The following ARHGAP39 variants were observed in gnomAD, a reference collection of about 807,000 sequenced individuals.
ARHGAP39 encodes Rho GTPase activating protein 39.
ARHGAP39 carries 44 observed loss-of-function variants against 106.9 expected under a neutral mutation model. The ratio of observed to expected loss-of-function variants is 0.41; its 90% CI spans 0.32 to 0.53. ARHGAP39 has a LOEUF of 0.53. Among genes scored for constraint, ARHGAP39 ranks in the 20% least tolerant of loss-of-function variants. The pLI, the probability that ARHGAP39 is intolerant of heterozygous loss-of-function variation, is 0.21. For synonymous variants in ARHGAP39, 768 were observed against 693.2 expected (o/e 1.11, Z -1.69); for missense variants, 1,496 against 1,577.3 (o/e 0.95, Z 0.87).
chr8:144,576,122 G>A (rs1035262442), intron 3 of ARHGAP39, among the ~76,000 whole-genome samples: 11 of 152,034 alleles, frequency 7.2e-5, no homozygotes, highest in African/African-American at 2.4e-4. Flanking sequence ...ATGAGGTTAA[G>A]AGATCGAGAC....
At chr8:144,573,388 T>C (rs554075525) in intron 3 of ARHGAP39, among the ~76,000 whole-genome samples, 1 of 141,204 alleles carries the variant, frequency 7.1e-6, no homozygotes, top group South Asian at 2.2e-4. Flanking sequence ...TTCTCATTCA[T>C]AGGTGGGAAA....
intron 1 of ARHGAP39, among the ~76,000 whole-genome samples, chr8:144,606,964 T>C (rs1586609777): frequency 2.0e-5 from 3 of 147,694 alleles, no homozygotes; most frequent in Admixed American, 1.3e-4. Flanking sequence ...TATAGTAAAA[T>C]TAAGAACATC....
chr8:144,537,250 C>T (rs893217026), intron 7 of ARHGAP39, among the ~76,000 whole-genome samples: 2 of 152,174 alleles, frequency 1.3e-5, no homozygotes, highest in African/African-American at 4.8e-5. Flanking sequence ...TAGGGGCCCA[C>T]CATCAAAGCA....
At chr8:144,532,234 G>A (rs952752701) in intron 10 of ARHGAP39, 71 bp downstream of exon 10, 27 of 1,390,572 alleles carry the variant, frequency 1.9e-5, no homozygotes, top group Admixed American at 5.3e-5. Context: ...CCCCAGAGGC[G>A]GAGACAGGGG....
rs1821486260 is a variant in ARHGAP39 at position 144,647,960 on chromosome 8, C to A, written c.-82+37726G>T. 6.6e-6 allele frequency among the ~76,000 whole-genome samples: 1 copy of A among 152,214 alleles called. No homozygotes were observed. Among genetic ancestry groups the A allele is most frequent in the Non-Finnish European group, 1.5e-5 (1 of 68,036 alleles). ...TGAAAACATGTATAAATTCCTGGTA[C>A]AATTTCTACAAAATGGTGGAGAGTC... On this transcript the variant is annotated intron_variant, in intron 1 of 11. Coordinates refer to ENST00000377307, the MANE Select transcript of ARHGAP39 (RefSeq NM_025251.3). The surrounding 1 kb of genome is among the most constrained non-coding windows in gnomAD (Gnocchi z 4.8).
intron 1 of ARHGAP39, among the ~76,000 whole-genome samples, chr8:144,661,878 T>C (rs987789968): frequency 6.6e-6 from 1 of 151,088 alleles, no homozygotes; most frequent in Non-Finnish European, 1.5e-5. Flanking sequence ...CTCCCCACTA[T>C]TCACCTTGGA....
intron 1 of ARHGAP39, among the ~76,000 whole-genome samples, chr8:144,607,622 G>A (rs1342262000): frequency 6.6e-6 from 1 of 152,082 alleles, no homozygotes; most frequent in Non-Finnish European, 1.5e-5. Context: ...TAATTCAAGG[G>A]GAAATAAAAA....
At chr8:144,534,764 G>C (rs1274830155) in intron 7 of ARHGAP39, among the ~76,000 whole-genome samples, 3 of 152,208 alleles carry the variant, frequency 2.0e-5, no homozygotes, top group Non-Finnish European at 4.4e-5. Flanking sequence ...AGCAATGAGA[G>C]GGCCCAGTCT....
chr8:144,619,875 CGT>C (rs1369450322), intron 1 of ARHGAP39, among the ~76,000 whole-genome samples: 2 of 126,608 alleles, frequency 1.6e-5, no homozygotes, highest in Admixed American at 8.1e-5. Context: ...AGCGTGAGCC[CGT>C]GTGAGTGAGC....
intron 6 of ARHGAP39, among the ~76,000 whole-genome samples, chr8:144,539,287 A>C (rs1035998195): frequency 1.8e-4 from 28 of 152,252 alleles, no homozygotes; most frequent in Middle Eastern, 3.4e-3. Flanking sequence ...TACAGAGCTA[A>C]ACATGGCCTC....
At chr8:144,674,383 C>T (rs771719062) in intron 1 of ARHGAP39, among the ~76,000 whole-genome samples, 10 of 152,276 alleles carry the variant, frequency 6.6e-5, no homozygotes, top group African/African-American at 9.6e-5. Context: ...AGAGGAGACT[C>T]GGACTGGTTA....
In ARHGAP39 at chr8:144,580,969, A is replaced by C. The variant is rs759404928; in HGVS notation, c.389T>G (p.Val130Gly). Residue 130 changes from valine to glycine, a missense_variant, in exon 3 of 12, where the codon GTC (valine) becomes GGC (glycine). This residue lies in a region of ARHGAP39 where 905 missense variants were observed against 816.4 expected (regional missense o/e 1.11). Coordinates refer to ENST00000377307, the MANE Select transcript of ARHGAP39 (RefSeq NM_025251.3). ...AESSPGRGSSVSREGSTSSSL... is the reference protein window; with the variant it reads ...AESSPGRGSSGSREGSTSSSL... ...GGAGCTGGTGCTGCCCTCACGGCTG[A>C]CGCTGCTGCCGCGCCCGGGGCTGCT... 235 of 1,601,264 alleles carry C rather than the reference A, an allele frequency of 1.5e-4. No individual in the cohort carries two copies. The highest frequency in any genetic ancestry group is 1.9e-4 in the Non-Finnish European group (219 of 1,175,532).
intron 6 of ARHGAP39, among the ~76,000 whole-genome samples, chr8:144,544,667 C>T (rs1490300622): frequency 1.3e-5 from 2 of 152,246 alleles, no homozygotes; most frequent in African/African-American, 4.8e-5. Context: ...ACTCTGGCCT[C>T]CCACGCTGCC....
At position 144,547,774 on chromosome 8, in the gene ARHGAP39, C is replaced by T. The variant is rs1265422797; in HGVS notation, c.1312G>A (p.Asp438Asn). The T allele has an allele frequency of 6.3e-7, 1 of 1,597,920 alleles. No homozygotes were observed. Among genetic ancestry groups the T allele is most frequent in the South Asian group, 1.1e-5 (1 of 89,762 alleles). Residue 438 changes from aspartate to asparagine, a missense_variant, in exon 5 of 12, where the codon GAC becomes AAC. Asp to Asn is a conservative substitution (Grantham distance 23). Around this residue, in one of 4 missense-constraint regions of ARHGAP39, gnomAD observed 905 missense variants for 816.4 expected, o/e 1.11. Coordinates refer to ENST00000377307, the MANE Select transcript of ARHGAP39 (RefSeq NM_025251.3). The surrounding 1 kb of genome is among the most constrained non-coding windows in gnomAD (Gnocchi z 5.2). The stretch of plus-strand genomic sequence containing the variant: ...CCGGACTTGACGCCCAGGCGCTGGT[C>T]CCTCAGCAGGCAGGGGCTGGGCTGC... ...SLQPSPCLLRDQRLGVKSGDY... is the reference protein window; with the variant it reads ...SLQPSPCLLRNQRLGVKSGDY...
In ARHGAP39 at chr8:144,684,003, G is replaced by C. The variant is rs1769809124; in HGVS notation, c.-82+1683C>G. On this transcript the variant is annotated intron_variant, in intron 1 of 11. Transcript: ENST00000377307. The surrounding 1 kb of genome is among the most constrained non-coding windows in gnomAD (Gnocchi z 4.4). ...CAACCCTATGAGGCCAATATTATTA[G>C]TGTTCCCATTTTACAGATGAGAAGC... Among the ~76,000 whole-genome samples the C allele has an allele frequency of 6.6e-6, 1 of 152,142 alleles. No individual in the cohort carries two copies. Among genetic ancestry groups the C allele is most frequent in the African/African-American group, 2.4e-5 (1 of 41,418 alleles).
Position 144,586,664 on chromosome 8 carries a change from CA to C in ARHGAP39, c.81-5388del, listed in dbSNP as rs1819196193. Among the ~76,000 whole-genome samples, 2 of 152,346 alleles carry C rather than the reference CA, an allele frequency of 1.3e-5. No homozygotes were observed. Among genetic ancestry groups the C allele is most frequent in the South Asian group, 4.1e-4 (2 of 4,832 alleles). The stretch of plus-strand genomic sequence containing the variant: ...AACTGGCTGATGCAGGTACCACACC[CA>C]CTTCCAGGCACCGGGTCCCATGCTG... On this transcript the variant is annotated intron_variant, in intron 2 of 11. Coordinates refer to ENST00000377307, the MANE Select transcript of ARHGAP39 (RefSeq NM_025251.3). This position sits in a 1 kb window ranked among gnomAD's most constrained non-coding sequence, Gnocchi z 4.2.
chr8:144,643,726 C>T (rs1821368443), intron 1 of ARHGAP39, among the ~76,000 whole-genome samples: 2 of 152,158 alleles, frequency 1.3e-5, no homozygotes, highest in African/African-American at 4.8e-5. Flanking sequence ...TTAGACTCAA[C>T]AACCAAAGGA....
At chr8:144,611,150 C>T (rs1406220753) in intron 1 of ARHGAP39, among the ~76,000 whole-genome samples, 1 of 152,230 alleles carries the variant, frequency 6.6e-6, no homozygotes, top group Non-Finnish European at 1.5e-5. Flanking sequence ...CTTTTGATTT[C>T]TTCTTTGACT....
the ARHGAP39 span, chr8:144,698,723 A>G: frequency 2.4e-6 from 1 of 424,888 alleles, no homozygotes; most frequent in East Asian, 7.6e-5. Flanking sequence ...TGCCTGGCAC[A>G]GTCTGTACTG....
Sources: gnomAD v4.1 joint callset for allele counts (sites outside exome capture counted in the v4.1 genomes callset) on GRCh38, gnomAD v4.1.1 for gene constraint, gnomAD v4.1.1 regional missense constraint, Gnocchi (gnomAD v3.1) non-coding constraint, MANE v1.5 for transcripts, NCBI Gene and HGNC (gene_info 2026-07-23, HGNC 2026-07-21) for gene names.